SDK1: variants seen among roughly 807,000 people sequenced by gnomAD.
SDK1 encodes sidekick cell adhesion molecule 1.
SDK1 carries 157 observed loss-of-function variants against 245.5 expected under a neutral mutation model. The observed-to-expected ratio is 0.64, with a 90% CI of 0.56 to 0.73. The LOEUF (loss-of-function observed/expected upper bound fraction) is 0.73, where lower values mean the gene tolerates loss of function less well. Among genes scored for constraint, SDK1 ranks in the 30% least tolerant of loss-of-function variants. The pLI, the probability that SDK1 is intolerant of heterozygous loss-of-function variation, is 0.00. For missense variants in SDK1, 3,583 were observed against 3,002.3 expected (o/e 1.19, Z -4.52); for synonymous variants, 1,647 against 1,278.5 (o/e 1.29, Z -6.15).
chr7:3,670,441 C>T (rs145276668), intron 4 of SDK1, among the ~76,000 whole-genome samples: 4 of 152,166 alleles, frequency 2.6e-5, no homozygotes, highest in African/African-American at 9.7e-5. Context: ...TGATCTTAGA[C>T]AAGTTCTTAA....
At chr7:3,956,759 TAGGGTGGAG>T (rs943727086) in intron 7 of SDK1, among the ~76,000 whole-genome samples, 85 of 152,164 alleles carry the variant, frequency 5.6e-4, no homozygotes, top group African/African-American at 2.0e-3. Context: ...GGTCCCTGGC[TAGGGTGGAG>T]AGAGGTCACC....
chr7:4,053,200 G>C (rs182614427), intron 19 of SDK1, among the ~76,000 whole-genome samples: 13 of 151,730 alleles, frequency 8.6e-5, no homozygotes, highest in African/African-American at 2.9e-4. Context: ...GTCTCTACTA[G>C]AGTTTGGCCG....
At chr7:4,168,408 G>A (rs1183306489) in intron 32 of SDK1, among the ~76,000 whole-genome samples, 1 of 152,198 alleles carries the variant, frequency 6.6e-6, no homozygotes, top group Non-Finnish European at 1.5e-5. Flanking sequence ...CATCTCATTC[G>A]CCTAGGCTAG....
chr7:3,530,053 T>C (rs563171921), intron 1 of SDK1, among the ~76,000 whole-genome samples: 195 of 152,174 alleles, frequency 1.3e-3, no homozygotes, highest in African/African-American at 4.6e-3. Context: ...AGTAACTAGA[T>C]CAAAGAACAA....
At chr7:3,609,686 T>G (rs1316674200) in intron 1 of SDK1, among the ~76,000 whole-genome samples, 1 of 145,394 alleles carries the variant, frequency 6.9e-6, no homozygotes, top group Non-Finnish European at 1.5e-5. Flanking sequence ...AGGCGTAAGC[T>G]ACGGTGCCCA....
At chr7:3,351,456 C>T (rs1780658217) in intron 1 of SDK1, among the ~76,000 whole-genome samples, 1 of 151,980 alleles carries the variant, frequency 6.6e-6, no homozygotes, top group African/African-American at 2.4e-5. Context: ...ATTCAAGTGT[C>T]AGTAATTACA....
chr7:3,722,288 A>G (rs1329405222), intron 4 of SDK1, among the ~76,000 whole-genome samples: 1 of 152,156 alleles, frequency 6.6e-6, no homozygotes, highest in East Asian at 1.9e-4. Flanking sequence ...CATAGCCACT[A>G]TTAGAGAGAC....
intron 14 of SDK1, among the ~76,000 whole-genome samples, chr7:3,998,559 A>G (rs1292502429): frequency 1.3e-5 from 2 of 152,208 alleles, no homozygotes; most frequent in Non-Finnish European, 2.9e-5. Context: ...TTGGGAATTC[A>G]TGCATTCCCA....
intron 38 of SDK1, 76 bp downstream of exon 38, chr7:4,210,238 G>A (rs1176273544): frequency 4.6e-6 from 6 of 1,298,500 alleles, no homozygotes; most frequent in Non-Finnish European, 5.0e-6. Context: ...ACAGTGAGCC[G>A]CACCTGACCG....
intron 5 of SDK1, among the ~76,000 whole-genome samples, chr7:3,884,061 T>G (rs564493014): frequency 9.5e-6 from 1 of 105,364 alleles, no homozygotes; most frequent in Non-Finnish European, 1.9e-5. Flanking sequence ...TGTTTGTTTG[T>G]TTTTTGTTTG....
At chr7:4,189,657 C>T (rs1783079514) in intron 35 of SDK1, among the ~76,000 whole-genome samples, 1 of 152,124 alleles carries the variant, frequency 6.6e-6, no homozygotes, top group Admixed American at 6.6e-5. Flanking sequence ...CGAAACCAGC[C>T]TGGTGAAACC....
intron 1 of SDK1, among the ~76,000 whole-genome samples, chr7:3,585,356 A>C (rs537943091): frequency 1.3e-5 from 2 of 152,344 alleles, no homozygotes; most frequent in African/African-American, 4.8e-5. Context: ...ACTTGTAATA[A>C]AGCTAGAGTA....
At chr7:3,827,871 C>A (rs1348504460) in intron 5 of SDK1, among the ~76,000 whole-genome samples, 1 of 152,102 alleles carries the variant, frequency 6.6e-6, no homozygotes. Flanking sequence ...GGGAGGGCCA[C>A]CCAAGCAGAA....
intron 1 of SDK1, among the ~76,000 whole-genome samples, chr7:3,508,694 C>G (rs903047568): frequency 6.6e-5 from 10 of 152,282 alleles, no homozygotes; most frequent in African/African-American, 2.4e-4. Context: ...CCTGATTCTT[C>G]AAAGTGTTCT....
intron 5 of SDK1, among the ~76,000 whole-genome samples, chr7:3,860,700 C>A (rs1251804423): frequency 4.6e-5 from 7 of 152,122 alleles, no homozygotes; most frequent in Non-Finnish European, 8.8e-5. Context: ...TCCTCCTCTC[C>A]CCTTGGAGGC....
chr7:3,592,927 C>T (rs73037685), intron 1 of SDK1, among the ~76,000 whole-genome samples: 30,659 of 152,128 alleles, frequency 0.2, 3,347 homozygotes, highest in Middle Eastern at 0.3. Context: ...CCTTGTCCTC[C>T]TGCCCTCTGC....
rs987929044 is a variant in SDK1 at position 3,522,443 on chromosome 7, C to G, written c.299-96637C>G. On this transcript the variant is annotated intron_variant, in intron 1 of 44. Coordinates refer to ENST00000404826, the MANE Select transcript of SDK1 (RefSeq NM_152744.4). Reference sequence around the variant, plus strand: ...CTTAGAAACAATTTAAGAGAATCTTCAGACCCACAGCTTAAAATAACTCAC... The same window carrying G: ...CTTAGAAACAATTTAAGAGAATCTTGAGACCCACAGCTTAAAATAACTCAC... Among the ~76,000 whole-genome samples, 12 of 152,328 alleles carry G rather than the reference C, an allele frequency of 7.9e-5. No homozygotes were observed. In the East Asian group the frequency reaches 2.1e-3, roughly 27 times the overall value.
At chr7:4,053,739 C>T (rs1310710764) in intron 19 of SDK1, among the ~76,000 whole-genome samples, 1 of 152,122 alleles carries the variant, frequency 6.6e-6, no homozygotes, top group Non-Finnish European at 1.5e-5. Flanking sequence ...ACATGGATTT[C>T]TTGACCCTCT....
intron 4 of SDK1, among the ~76,000 whole-genome samples, chr7:3,759,927 T>G (rs1233094507): frequency 6.6e-6 from 1 of 152,190 alleles, no homozygotes. Context: ...CGCATTCTTT[T>G]GTTTTACAAT....
Sources: gnomAD v4.1 joint callset for allele counts (sites outside exome capture counted in the v4.1 genomes callset) on GRCh38, gnomAD v4.1.1 for gene constraint, MANE v1.5 for transcripts, NCBI Gene and HGNC (gene_info 2026-07-23, HGNC 2026-07-21) for gene names.